Variants in WWOX observed in about 807,000 individuals in gnomAD.
WWOX encodes WW domain containing oxidoreductase, also known as WW domain-containing oxidoreductase.
In WWOX, 69 loss-of-function variants were observed where a neutral mutation model predicts 46.2. The observed-to-expected ratio is 1.49, with a 90% CI of 1.23 to 1.82. WWOX has a LOEUF of 1.82. Among genes scored for constraint, WWOX ranks in the 40% most tolerant of loss-of-function variants. The pLI is 0.00. For missense variants in WWOX, 919 were observed against 542.6 expected (o/e 1.69, Z -6.89); for synonymous variants, 359 against 202.6 (o/e 1.77, Z -6.56).
At position 79,200,479 on chromosome 16, in the gene WWOX, C is replaced by T. The variant is rs571665653; in HGVS notation, c.1057-11129C>T. Among the ~76,000 whole-genome samples, 4 of 152,266 alleles carry T rather than the reference C, an allele frequency of 2.6e-5. No homozygotes were observed. The South Asian group carries it at 6.2e-4, about 24-fold the overall frequency. On this transcript the variant is annotated intron_variant, in intron 8 of 8. Transcript: ENST00000566780. ...TTCCAGCACTGCCCCGTTGCTTGGC[C>T]GTGAGTTACTTCACCTCCTTTAGCC...
chr16:79,087,124 A>T (rs2048868181), intron 8 of WWOX, among the ~76,000 whole-genome samples: 4 of 152,312 alleles, frequency 2.6e-5, no homozygotes, highest in African/African-American at 9.6e-5. Flanking sequence ...TTTTAGAGGT[A>T]AGAAGCCAAG....
intron 6 of WWOX, among the ~76,000 whole-genome samples, chr16:78,403,443 A>G (rs958412946): frequency 6.6e-6 from 1 of 152,352 alleles, no homozygotes; most frequent in East Asian, 1.9e-4. Flanking sequence ...TTCATAAATA[A>G]TGGCTTGTAT....
intron 8 of WWOX, among the ~76,000 whole-genome samples, chr16:78,763,975 A>G (rs779822008): frequency 7.2e-5 from 11 of 152,028 alleles, no homozygotes; most frequent in African/African-American, 2.2e-4. Flanking sequence ...CCCCACATCT[A>G]TTGTGGGCTG....
intron 8 of WWOX, among the ~76,000 whole-genome samples, chr16:78,868,900 A>G (rs959029217): frequency 2.0e-5 from 3 of 152,056 alleles, no homozygotes; most frequent in East Asian, 3.9e-4. Flanking sequence ...AGAAATTTGC[A>G]CTTTTCCCCC....
intron 8 of WWOX, among the ~76,000 whole-genome samples, chr16:78,931,724 C>G (rs555739418): frequency 3.3e-5 from 5 of 152,310 alleles, no homozygotes; most frequent in African/African-American, 9.6e-5. Context: ...TCACAGAGGA[C>G]AAGACACTTG....
chr16:78,945,247 A>G (rs1054051369), intron 8 of WWOX, among the ~76,000 whole-genome samples: 1 of 152,186 alleles, frequency 6.6e-6, no homozygotes, highest in Admixed American at 6.5e-5. Flanking sequence ...AAACCAAATA[A>G]CAGTGGCACC....
At chr16:79,128,896 C>G (rs538657646) in intron 8 of WWOX, among the ~76,000 whole-genome samples, 40 of 152,250 alleles carry the variant, frequency 2.6e-4, no homozygotes, top group African/African-American at 9.6e-4. Flanking sequence ...ACTGGTGTCA[C>G]GATCCCACAA....
chr16:78,662,498 G>A (rs1306852721), intron 8 of WWOX, among the ~76,000 whole-genome samples: 5 of 152,126 alleles, frequency 3.3e-5, no homozygotes, highest in African/African-American at 4.8e-5. Flanking sequence ...CCATGTAGGT[G>A]CTCATCCCGA....
chr16:79,184,570 C>G (rs990639702), intron 8 of WWOX, among the ~76,000 whole-genome samples: 1 of 152,196 alleles, frequency 6.6e-6, no homozygotes, highest in African/African-American at 2.4e-5. Flanking sequence ...TGTGCACCCA[C>G]TCTGCAACTC....
At chr16:78,918,009 C>G (rs541570945) in intron 8 of WWOX, among the ~76,000 whole-genome samples, 2 of 152,080 alleles carry the variant, frequency 1.3e-5, no homozygotes, top group African/African-American at 2.4e-5. Context: ...TGAAACCAGA[C>G]TGGGCAACAC....
At chr16:78,612,296 C>T (rs1458385161) in intron 8 of WWOX, among the ~76,000 whole-genome samples, 1 of 152,156 alleles carries the variant, frequency 6.6e-6, no homozygotes, top group Non-Finnish European at 1.5e-5. Context: ...ATGTTGATTT[C>T]TAAAGGAGGT....
chr16:78,252,892 G>C (rs2038021841), intron 5 of WWOX, among the ~76,000 whole-genome samples: 1 of 152,214 alleles, frequency 6.6e-6, no homozygotes, highest in Non-Finnish European at 1.5e-5. Context: ...GTAAAGGTCG[G>C]TTTAGAACAA....
chr16:78,686,942 C>G (rs544914596), intron 8 of WWOX, among the ~76,000 whole-genome samples: 2 of 152,354 alleles, frequency 1.3e-5, no homozygotes, highest in African/African-American at 4.8e-5. Flanking sequence ...ATCCAAGCAG[C>G]TAAGGCTTGT....
At chr16:78,148,635 C>T (rs1000868221) in intron 4 of WWOX, among the ~76,000 whole-genome samples, 37 of 151,838 alleles carry the variant, frequency 2.4e-4, no homozygotes, top group African/African-American at 8.0e-4. Flanking sequence ...GAGTGGCTCA[C>T]GCCTGTAATC....
chr16:78,561,910 C>G (rs972135290), intron 8 of WWOX, among the ~76,000 whole-genome samples: 1 of 152,096 alleles, frequency 6.6e-6, no homozygotes, highest in Admixed American at 6.5e-5. Context: ...CTTCTCTGTG[C>G]CTTAACGTCT....
chr16:78,527,991 C>CTTTTTTTTTTTTTTTTTTTTTT lies in WWOX; in HGVS notation c.1056+95243_1056+95264dup, dbSNP rs71140808. Among the ~76,000 whole-genome samples the CTTTTTTTTTTTTTTTTTTTTTT allele has an allele frequency of 2.6e-3, 89 of 34,880 alleles. 12 individuals carry two copies. The highest frequency in any genetic ancestry group is 3.7e-3 in the Non-Finnish European group (69 of 18,692). The allele number at this position is 34,880 out of a possible 152,430, so 22.9% of individuals were successfully genotyped here. A position where few individuals can be genotyped will look rare whatever the true frequency, so the allele number is the denominator to read the frequency against. On this transcript the variant is annotated intron_variant, in intron 8 of 8. Transcript: ENST00000566780. ...CTATGTCACAGGACTGGTACATGTC[C>CTTTTTTTTTTTTTTTTTTTTTT]TTTTTTTTTTTTTTTTTTTTTTTTT...
In WWOX at chr16:78,607,819, C is replaced by T. The variant is rs534937854; in HGVS notation, c.1056+175067C>T. On this transcript the variant is annotated intron_variant, in intron 8 of 8. Coordinates refer to ENST00000566780, the MANE Select transcript of WWOX (RefSeq NM_016373.4). ...CTTTGGAGCGTGTCTTTTGGTGCCACGGAAAAGGGCTGGATTTTCTATCGG... is the reference window on the plus strand; with the variant it reads ...CTTTGGAGCGTGTCTTTTGGTGCCATGGAAAAGGGCTGGATTTTCTATCGG... 2.6e-5 allele frequency among the ~76,000 whole-genome samples: 4 copies of T among 151,890 alleles called. No individual in the cohort carries two copies. In the East Asian group the frequency reaches 5.8e-4, roughly 22 times the overall value.
At chr16:78,731,719 C>T (rs6564582) in intron 8 of WWOX, among the ~76,000 whole-genome samples, 1 of 151,904 alleles carries the variant, frequency 6.6e-6, no homozygotes, top group African/African-American at 2.4e-5. Flanking sequence ...TAAGAAGAAG[C>T]GGATAAGGCC....
chr16:78,844,116 G>A (rs994648316), intron 8 of WWOX, among the ~76,000 whole-genome samples: 2 of 152,114 alleles, frequency 1.3e-5, no homozygotes, highest in South Asian at 2.1e-4. Flanking sequence ...CTTGTAGACC[G>A]ATACTGTGGT....
Sources: gnomAD v4.1 joint callset for allele counts (sites outside exome capture counted in the v4.1 genomes callset) on GRCh38, gnomAD v4.1.1 for gene constraint, MANE v1.5 for transcripts, NCBI Gene and HGNC (gene_info 2026-07-23, HGNC 2026-07-21) for gene names.